The following DNAJB13 variants were observed in gnomAD, a reference collection of about 807,000 sequenced individuals.
The protein encoded by DNAJB13 is dnaJ homolog subfamily B member 13.
A neutral mutation model predicts 35.6 loss-of-function variants in DNAJB13; 22 were observed. The observed-to-expected ratio is 0.62, with a 90% CI of 0.44 to 0.88. DNAJB13 has a LOEUF of 0.88. Among genes scored for constraint, DNAJB13 ranks in the 40% least tolerant of loss-of-function variants. DNAJB13 has a pLI of 0.00. For missense variants in DNAJB13, 370 were observed against 384.3 expected (o/e 0.96, Z 0.31); for synonymous variants, 136 against 144.2 (o/e 0.94, Z 0.41).
chr11:73,963,373 A>G (rs960549051), intron 3 of DNAJB13, among the ~76,000 whole-genome samples: 3 of 151,748 alleles, frequency 2.0e-5, no homozygotes, highest in African/African-American at 7.3e-5. Context: ...AAGAAAAAAA[A>G]TGAAAGGGGC....
intron 1 of DNAJB13, among the ~76,000 whole-genome samples, chr11:73,953,700 C>T (rs1164459070): frequency 2.0e-5 from 3 of 152,034 alleles, no homozygotes; most frequent in Admixed American, 1.3e-4. Flanking sequence ...TCAGGCCTGG[C>T]GCTGGGCTGC....
intron 1 of DNAJB13, among the ~76,000 whole-genome samples, chr11:73,953,968 C>G (rs562891902): frequency 1.6e-4 from 24 of 148,460 alleles, no homozygotes; most frequent in African/African-American, 6.0e-4. Flanking sequence ...GCCTGGGCGA[C>G]AGAGCGAGAC....
At chr11:73,958,233 T>C (rs1950815335) in intron 1 of DNAJB13, 84 bp from the exon 2 acceptor site, 1 of 1,382,082 alleles carries the variant, frequency 7.2e-7, no homozygotes, top group Non-Finnish European at 1.0e-6. Flanking sequence ...TAGGCAGGAG[T>C]GAACAGAGTG....
intron 4 of DNAJB13, chr11:73,965,880 T>C: frequency 4.4e-6 from 2 of 453,430 alleles, no homozygotes; most frequent in South Asian, 2.6e-5. Context: ...CCCAGTCTCA[T>C]GGCATCCTCT....
intron 5 of DNAJB13, 151 bp from the exon 6 acceptor site, chr11:73,968,194 C>T (rs1390344210): frequency 1.5e-6 from 1 of 680,460 alleles, no homozygotes; most frequent in Non-Finnish European, 2.7e-6. Context: ...TCCATCTGGG[C>T]TATGGGGGCC....
chr11:73,960,519 G>A (rs147363922), intron 3 of DNAJB13, among the ~76,000 whole-genome samples: 1,985 of 151,540 alleles, frequency 0.013, 15 homozygotes, highest in Non-Finnish European at 0.02. Flanking sequence ...ACAGGGTTTC[G>A]CCATGTTGGC....
chr11:73,953,247 C>T (rs1409810779), intron 1 of DNAJB13, among the ~76,000 whole-genome samples: 2 of 151,988 alleles, frequency 1.3e-5, no homozygotes, highest in Admixed American at 6.6e-5. Flanking sequence ...ATGGCTGGGC[C>T]GGGCACCGTG....
chr11:73,952,243 AG>A (rs1323229800), intron 1 of DNAJB13, among the ~76,000 whole-genome samples: 2 of 152,212 alleles, frequency 1.3e-5, no homozygotes, highest in Non-Finnish European at 2.9e-5. Flanking sequence ...GGCCAGAGAA[AG>A]GGGAGGGAAT....
At chr11:73,963,165 AAAAC>A (rs546266686) in intron 3 of DNAJB13, among the ~76,000 whole-genome samples, 16 of 152,112 alleles carry the variant, frequency 1.1e-4, no homozygotes, top group East Asian at 1.9e-4. Flanking sequence ...ATCTCTACTA[AAAAC>A]AAACAAACAA....
At chr11:73,957,005 C>T (rs1390193217) in intron 1 of DNAJB13, among the ~76,000 whole-genome samples, 2 of 151,900 alleles carry the variant, frequency 1.3e-5, no homozygotes, top group South Asian at 2.1e-4. Flanking sequence ...GGCGGCGAGG[C>T]GGGTGTGGGC....
Position 73,951,185 on chromosome 11 carries a change from C to G in DNAJB13, c.68+48C>G, listed in dbSNP as rs780510259. ...CCTTAGGGGTGTGCTGGGGCAGGCCCTGCCCTCTTCTCTTCCAAAACGAGC... is the reference window on the plus strand; with the variant it reads ...CCTTAGGGGTGTGCTGGGGCAGGCCGTGCCCTCTTCTCTTCCAAAACGAGC... On this transcript the variant is annotated intron_variant, in intron 1 of 7. Transcript: ENST00000339764. 5.0e-6 allele frequency: 8 copies of G among 1,608,336 alleles called. No individual in the cohort carries two copies. The South Asian group carries it at 8.8e-5, about 18-fold the overall frequency.
chr11:73,962,852 A>T (rs1459353417), intron 3 of DNAJB13, among the ~76,000 whole-genome samples: 3 of 152,138 alleles, frequency 2.0e-5, no homozygotes, highest in Non-Finnish European at 4.4e-5. Context: ...GAGACTGAAA[A>T]CAGCAAGGGG....
At chr11:73,957,573 C>T (rs1416461147) in intron 1 of DNAJB13, among the ~76,000 whole-genome samples, 1 of 152,202 alleles carries the variant, frequency 6.6e-6, no homozygotes, top group Non-Finnish European at 1.5e-5. Context: ...CTCCAGGTGC[C>T]GCAGACTCGC....
chr11:73,968,529 G>T, intron 6 of DNAJB13, 71 bp downstream of exon 6: 1 of 1,336,162 alleles, frequency 7.5e-7, no homozygotes, highest in Non-Finnish European at 1.0e-6. Flanking sequence ...GCCTAGACTT[G>T]GCCTCCCCTC....
intron 7 of DNAJB13, 64 bp downstream of exon 7, chr11:73,969,386 G>T: frequency 1.2e-6 from 1 of 849,526 alleles, no homozygotes; most frequent in South Asian, 1.4e-5. Context: ...TTAGGTGGTA[G>T]TGTGACAGGT....
Position 73,966,194 on chromosome 11 carries a change from T to G in DNAJB13, c.549T>G (p.Asp183Glu). Residue 183 changes from aspartate (D) to glutamate (E), a missense_variant, in exon 5 of 8, where the codon GAT becomes GAG. Asp to Glu is a conservative substitution (Grantham distance 45). Coordinates refer to ENST00000339764, the MANE Select transcript of DNAJB13 (RefSeq NM_153614.4). ...TCAAGGACAAGATCCTGACCATTGATGTGAAGCCCGGTTGGAGGCAGGGCA... is the reference window on the plus strand; with the variant it reads ...TCAAGGACAAGATCCTGACCATTGAGGTGAAGCCCGGTTGGAGGCAGGGCA... ...STIKDKILTI[D>E]VKPGWRQGTR... The G allele has an allele frequency of 1.2e-6, 2 of 1,613,858 alleles. No individual in the cohort carries two copies. The highest frequency in any genetic ancestry group is 1.7e-6 in the Non-Finnish European group (2 of 1,179,992).
At chr11:73,968,535 C>T (rs1951189384) in intron 6 of DNAJB13, 77 bp downstream of exon 6, 1 of 1,234,082 alleles carries the variant, frequency 8.1e-7, no homozygotes. Context: ...ACTTGGCCTC[C>T]CCTCCCACAA....
chr11:73,957,287 CAGA>C (rs945967474), intron 1 of DNAJB13, among the ~76,000 whole-genome samples: 2 of 152,228 alleles, frequency 1.3e-5, no homozygotes, highest in South Asian at 2.1e-4. Context: ...TGTCGCTTGA[CAGA>C]AGGTCACAGC....
chr11:73,966,008 A>G, intron 4 of DNAJB13, 130 bp from the exon 5 acceptor site: 1 of 852,640 alleles, frequency 1.2e-6, no homozygotes, highest in South Asian at 1.6e-5. Flanking sequence ...ATTGAGCCCA[A>G]GTACAAATCC....
Sources: allele counts gnomAD v4.1 joint callset (sites outside exome capture counted in the v4.1 genomes callset), GRCh38; gene constraint gnomAD v4.1.1; transcripts MANE v1.5; gene names NCBI Gene and HGNC (gene_info 2026-07-23, HGNC 2026-07-21).